TMEM132B: variants seen among roughly 807,000 people sequenced by gnomAD.
TMEM132B encodes transmembrane protein 132B.
Under a neutral mutation model 90.8 loss-of-function variants are expected in TMEM132B, and 18 were observed. The observed-to-expected ratio is 0.20, with a 90% confidence interval of 0.14 to 0.29. TMEM132B has a LOEUF of 0.29. Among genes scored for constraint, TMEM132B ranks in the 10% least tolerant of loss-of-function variants. TMEM132B has a pLI of 1.00. For synonymous variants in TMEM132B, 504 were observed against 523.3 expected (o/e 0.96, Z 0.50); for missense variants, 1,096 against 1,326.8 (o/e 0.83, Z 2.70).
At chr12:125,474,432 A>T (rs1050746132) in intron 3 of TMEM132B, among the ~76,000 whole-genome samples, 7 of 151,996 alleles carry the variant, frequency 4.6e-5, no homozygotes, top group Non-Finnish European at 1.0e-4. Context: ...AGTAGCTGGG[A>T]CTACAGGTGT....
chr12:125,554,298 G>A (rs903689141), intron 4 of TMEM132B, among the ~76,000 whole-genome samples: 2 of 151,484 alleles, frequency 1.3e-5, no homozygotes, highest in South Asian at 2.1e-4. Flanking sequence ...GGTGGTGGGC[G>A]CCTGTAGTCC....
rs114527175 is a variant in TMEM132B at position 125,390,546 on chromosome 12, C to G, written c.960-24985C>G. Among the ~76,000 whole-genome samples the G allele has an allele frequency of 5.2e-3, 788 of 152,320 alleles. 8 individuals are homozygous for G. Among genetic ancestry groups the G allele is most frequent in the African/African-American group, 0.018 (746 of 41,562 alleles). ...GTGGGCTGGATTTGGTGAGTCACTT[C>G]TAACATATAAAATACAGCAGACATG... On this transcript the variant is annotated intron_variant, in intron 2 of 8. Transcript: ENST00000682704.
At chr12:125,399,574 G>A (rs535100495) in intron 2 of TMEM132B, among the ~76,000 whole-genome samples, 1 of 151,250 alleles carries the variant, frequency 6.6e-6, no homozygotes, top group South Asian at 2.1e-4. Flanking sequence ...AGAGACTCTA[G>A]AAGGAACCCA....
At chr12:125,200,660 A>G (rs930759164) in intron 1 of TMEM132B, among the ~76,000 whole-genome samples, 2 of 152,212 alleles carry the variant, frequency 1.3e-5, no homozygotes, top group African/African-American at 2.4e-5. Context: ...ACATTTAAGG[A>G]AAGTGAGGGT....
At chr12:125,276,530 G>T (rs1874995226) in intron 1 of TMEM132B, among the ~76,000 whole-genome samples, 1 of 152,218 alleles carries the variant, frequency 6.6e-6, no homozygotes, top group South Asian at 2.1e-4. Context: ...GCATCTCAAT[G>T]CTGTCTGGGG....
rs1447875670 is a variant in TMEM132B at position 125,490,476 on chromosome 12, T to G, written c.1107-28963T>G. On this transcript the variant is annotated intron_variant, in intron 3 of 8. Coordinates refer to ENST00000682704, the MANE Select transcript of TMEM132B (RefSeq NM_001366854.1). The surrounding 1 kb of genome is among the most constrained non-coding windows in gnomAD (Gnocchi z 4.2). ...TTATTTTATTTTATTTATTTATTTA[T>G]TTTTTGAGACAGAGCCTTGCTCTGT... 6.6e-6 allele frequency among the ~76,000 whole-genome samples: 1 copy of G among 152,130 alleles called. No individual in the cohort carries two copies. The highest frequency in any genetic ancestry group is 1.5e-5 in the Non-Finnish European group (1 of 68,010).
At chr12:125,550,881 C>T (rs1884212292) in intron 4 of TMEM132B, among the ~76,000 whole-genome samples, 1 of 116,218 alleles carries the variant, frequency 8.6e-6, no homozygotes, top group Non-Finnish European at 1.9e-5. Context: ...CAAGATCTCA[C>T]TGCAAGAACC....
intron 3 of TMEM132B, among the ~76,000 whole-genome samples, chr12:125,475,997 G>C (rs1426963996): frequency 2.0e-5 from 3 of 152,114 alleles, no homozygotes; most frequent in African/African-American, 7.2e-5. Flanking sequence ...GTGTAACCCT[G>C]CTTTCTGCTT....
chr12:125,312,815 T>C (rs1428109093), intron 1 of TMEM132B, among the ~76,000 whole-genome samples: 4 of 152,234 alleles, frequency 2.6e-5, no homozygotes, highest in East Asian at 1.9e-4. Flanking sequence ...TCCTGCTGTC[T>C]TCTGTGCTAT....
At chr12:125,347,504 C>G (rs1262408197) in intron 1 of TMEM132B, among the ~76,000 whole-genome samples, 1 of 152,104 alleles carries the variant, frequency 6.6e-6, no homozygotes, top group Non-Finnish European at 1.5e-5. Flanking sequence ...AAGCACAGCC[C>G]CAAACAGGCC....
chr12:125,595,555 T>C (rs146708000), intron 5 of TMEM132B, among the ~76,000 whole-genome samples: 206 of 152,340 alleles, frequency 1.4e-3, no homozygotes, highest in Middle Eastern at 6.8e-3. Flanking sequence ...GGTGCAAAAG[T>C]AACTGTGGTT....
intron 1 of TMEM132B, among the ~76,000 whole-genome samples, chr12:125,200,962 C>T (rs574794983): frequency 3.9e-5 from 6 of 152,302 alleles, no homozygotes; most frequent in East Asian, 3.9e-4. Flanking sequence ...ATAGGAGCAC[C>T]GTCTAAGTTC....
At chr12:125,398,492 A>C (rs1050867996) in intron 2 of TMEM132B, among the ~76,000 whole-genome samples, 5 of 152,248 alleles carry the variant, frequency 3.3e-5, no homozygotes, top group African/African-American at 4.8e-5. Flanking sequence ...AGCAACCAGC[A>C]GTCAGCCTCA....
At chr12:125,574,079 T>C (rs1413003785) in intron 4 of TMEM132B, among the ~76,000 whole-genome samples, 1 of 152,180 alleles carries the variant, frequency 6.6e-6, no homozygotes, top group Non-Finnish European at 1.5e-5. Context: ...GAAACAATGC[T>C]TTGATGAATA....
intron 3 of TMEM132B, among the ~76,000 whole-genome samples, chr12:125,423,492 C>T (rs1484825428): frequency 6.6e-6 from 1 of 152,132 alleles, no homozygotes; most frequent in Non-Finnish European, 1.5e-5. Context: ...CCTCCCTGAC[C>T]CCTTCAAAAA....
At chr12:125,260,106 TGAGA>T (rs1874527536) in intron 1 of TMEM132B, among the ~76,000 whole-genome samples, 1 of 152,158 alleles carries the variant, frequency 6.6e-6, no homozygotes, top group Non-Finnish European at 1.5e-5. Flanking sequence ...GTTGGAGCTT[TGAGA>T]GAGAGATCGA....
chr12:125,435,959 C>T lies in TMEM132B; in HGVS notation c.1106+20282C>T, dbSNP rs1880686825. ...TCGGTGCTGATGTCTGCCTCTCCATCCTGCCCCTCGGTGCCCCACAGGGAG... is the reference window on the plus strand; with the variant it reads ...TCGGTGCTGATGTCTGCCTCTCCATTCTGCCCCTCGGTGCCCCACAGGGAG... On this transcript the variant is annotated intron_variant, in intron 3 of 8. Coordinates refer to ENST00000682704, the MANE Select transcript of TMEM132B (RefSeq NM_001366854.1). Among the ~76,000 whole-genome samples, 4 of 152,024 alleles carry T rather than the reference C, an allele frequency of 2.6e-5. No homozygotes were observed. In the South Asian group the frequency reaches 8.3e-4, roughly 32 times the overall value.
intron 2 of TMEM132B, among the ~76,000 whole-genome samples, chr12:125,398,843 C>T (rs1390622799): frequency 5.3e-5 from 8 of 152,184 alleles, no homozygotes; most frequent in Admixed American, 2.6e-4. Context: ...TCAGCTGGGT[C>T]CTCAGCTTTG....
At chr12:125,187,825 C>A (rs541767823) in intron 1 of TMEM132B, among the ~76,000 whole-genome samples, 1 of 141,288 alleles carries the variant, frequency 7.1e-6, no homozygotes, top group East Asian at 2.2e-4. Flanking sequence ...CAGATGAACC[C>A]CGGGAACAGT....
Sources: allele counts gnomAD v4.1 joint callset (sites outside exome capture counted in the v4.1 genomes callset), GRCh38; gene constraint gnomAD v4.1.1; non-coding constraint Gnocchi (gnomAD v3.1); transcripts MANE v1.5; gene names NCBI Gene and HGNC (gene_info 2026-07-23, HGNC 2026-07-21).